The following PRSS23 variants were observed in gnomAD, a reference collection of about 807,000 sequenced individuals.
PRSS23 encodes the protein protease, serine 23.
Under a neutral mutation model 34.7 loss-of-function variants are expected in PRSS23, and 25 were observed. The observed-to-expected ratio is 0.72, with a 90% CI of 0.53 to 1.01. PRSS23 has a LOEUF of 1.01. Among genes scored for constraint, PRSS23 ranks in the 50% least tolerant of loss-of-function variants. PRSS23 has a pLI of 0.00. For synonymous variants in PRSS23, 176 were observed against 186.6 expected, an observed-to-expected ratio of 0.94 and a Z score of 0.46; for missense variants, 445 against 475.6, an observed-to-expected ratio of 0.94 and a Z score of 0.60.
intron 1 of PRSS23, chr11:86,823,226 C>T (rs1948266610): frequency 1.6e-6 from 1 of 609,396 alleles, no homozygotes; most frequent in African/African-American, 1.9e-5. Context: ...CTTTAGTATT[C>T]CTAATCTGTA....
chr11:86,829,317 G>A (rs1042117403), intron 2 of PRSS23, among the ~76,000 whole-genome samples: 3 of 152,110 alleles, frequency 2.0e-5, no homozygotes, highest in Non-Finnish European at 2.9e-5. Context: ...TCTTCATGTA[G>A]TTCTCGAGCT....
At chr11:86,827,403 G>A (rs1948311045) in intron 2 of PRSS23, among the ~76,000 whole-genome samples, 1 of 151,868 alleles carries the variant, frequency 6.6e-6, no homozygotes, top group African/African-American at 2.4e-5. Context: ...TATTAGTCTT[G>A]CTAGCAGTCT....
chr11:86,852,978 G>A (rs1280534842), intron 2 of PRSS23, among the ~76,000 whole-genome samples: 5 of 150,414 alleles, frequency 3.3e-5, no homozygotes, highest in East Asian at 2.0e-4. Flanking sequence ...CTCAGTCTCC[G>A]GAGTAGCTGG....
intron 2 of PRSS23, among the ~76,000 whole-genome samples, chr11:86,866,633 G>A (rs1033320507): frequency 6.6e-6 from 1 of 152,124 alleles, no homozygotes; most frequent in African/African-American, 2.4e-5. Flanking sequence ...TTTCAATGTG[G>A]TTTGTTTGTC....
chr11:86,862,079 T>A (rs1449484449), intron 2 of PRSS23, among the ~76,000 whole-genome samples: 5 of 151,890 alleles, frequency 3.3e-5, no homozygotes, highest in Admixed American at 1.3e-4. Flanking sequence ...AGGATAATAT[T>A]ACTCGCAATA....
downstream of PRSS23, among the ~76,000 whole-genome samples, chr11:86,815,974 G>T (rs1334621728): frequency 6.6e-6 from 1 of 152,084 alleles, no homozygotes; most frequent in Non-Finnish European, 1.5e-5. Context: ...ACCTGATCAG[G>T]CCCCTCCCCT....
At chr11:86,834,506 TTTTCCTTTCCTTTCCTTTCC>T (rs1225362851) in intron 2 of PRSS23, among the ~76,000 whole-genome samples, 5 of 115,184 alleles carry the variant, frequency 4.3e-5, no homozygotes, top group African/African-American at 1.8e-4. Context: ...TTCCCTTCTA[TTTTCCTTTCCTTTCCTTTCC>T]TTTCCTTTCC....
chr11:86,916,652 G>A (rs1299880176), intron 2 of PRSS23, among the ~76,000 whole-genome samples: 1 of 152,108 alleles, frequency 6.6e-6, no homozygotes, highest in Non-Finnish European at 1.5e-5. Flanking sequence ...TGTCAAACTG[G>A]CTCCCCTTCC....
At chr11:86,802,284 G>C (rs190618018) in intron 1 of PRSS23, among the ~76,000 whole-genome samples, 1 of 152,146 alleles carries the variant, frequency 6.6e-6, no homozygotes, top group African/African-American at 2.4e-5. Context: ...CCTGAAATCC[G>C]ATAGAGAAGA....
At chr11:86,910,559 A>G (rs1948970620) in intron 2 of PRSS23, 1 of 152,222 alleles carries the variant, frequency 6.6e-6, no homozygotes, top group African/African-American at 2.4e-5. Context: ...CAAAGTATTT[A>G]TATCCTTAAC....
At chr11:86,896,083 T>C (rs1948872997) in intron 2 of PRSS23, among the ~76,000 whole-genome samples, 1 of 152,194 alleles carries the variant, frequency 6.6e-6, no homozygotes, top group Non-Finnish European at 1.5e-5. Context: ...GGGGGTCTTT[T>C]TAAACTCCTT....
chr11:86,800,582 C>T lies in PRSS23; in HGVS notation c.-83C>T, dbSNP rs1045280139. ...GCGGGGCAGGCATGGGAGCCGCGCG[C>T]TCTCTCCCGGCGCCCACACCTGTCT... On this transcript the variant is annotated 5_prime_UTR_variant, in exon 1 of 2. Coordinates refer to ENST00000280258, the MANE Select transcript of PRSS23 (RefSeq NM_007173.6). 5.1e-6 allele frequency: 5 copies of T among 984,906 alleles called. No homozygotes were observed. Among genetic ancestry groups the T allele is most frequent in the South Asian group, 9.4e-5 (2 of 21,296 alleles). 61.0% of individuals were successfully genotyped at this position (984,906 alleles called of 1,614,324 possible). A position where few individuals can be genotyped will look rare whatever the true frequency, so the allele number is the denominator to read the frequency against.
intron 1 of PRSS23, among the ~76,000 whole-genome samples, chr11:86,805,190 A>G (rs1259949449): frequency 6.6e-6 from 1 of 152,182 alleles, no homozygotes; most frequent in Non-Finnish European, 1.5e-5. Flanking sequence ...TGGGGCATTT[A>G]GTCACCTAGA....
intron 2 of PRSS23, among the ~76,000 whole-genome samples, chr11:86,846,631 C>T (rs968342300): frequency 2.6e-5 from 4 of 152,204 alleles, no homozygotes; most frequent in Admixed American, 2.0e-4. Flanking sequence ...CATGAGACAG[C>T]CACATCTTCT....
upstream of PRSS23, among the ~76,000 whole-genome samples, chr11:86,799,149 G>A (rs1590865261): frequency 2.0e-5 from 3 of 152,200 alleles, no homozygotes; most frequent in Admixed American, 2.0e-4. Flanking sequence ...TACTTGCTGA[G>A]AAGGGAGGAT....
chr11:86,895,839 CA>C (rs1260359555), intron 2 of PRSS23, among the ~76,000 whole-genome samples: 5 of 152,110 alleles, frequency 3.3e-5, no homozygotes, highest in Non-Finnish European at 7.4e-5. Context: ...CTATAATTAG[CA>C]GAAGGTAAGT....
chr11:86,910,990 G>A (rs929321534), intron 2 of PRSS23: 1 of 152,048 alleles, frequency 6.6e-6, no homozygotes, highest in Non-Finnish European at 1.5e-5. Flanking sequence ...AATGTCCCAT[G>A]TATGATTTTT....
At chr11:86,829,989 G>C (rs1320648147) in intron 2 of PRSS23, among the ~76,000 whole-genome samples, 1 of 152,194 alleles carries the variant, frequency 6.6e-6, no homozygotes, top group Admixed American at 6.5e-5. Context: ...ATCTCCAGCT[G>C]CGTGCTGGGA....
intron 2 of PRSS23, among the ~76,000 whole-genome samples, chr11:86,874,283 G>A (rs1042778678): frequency 6.6e-6 from 1 of 152,172 alleles, no homozygotes; most frequent in African/African-American, 2.4e-5. Flanking sequence ...CACCGGCTGG[G>A]AGCAACTTGT....
Sources: gnomAD v4.1 joint callset for allele counts (sites outside exome capture counted in the v4.1 genomes callset) on GRCh38, gnomAD v4.1.1 for gene constraint, MANE v1.5 for transcripts, NCBI Gene and HGNC (gene_info 2026-07-23, HGNC 2026-07-21) for gene names.